ASZ1: variants seen among roughly 807,000 people sequenced by gnomAD.
The protein encoded by ASZ1 is ankyrin repeat, SAM and basic leucine zipper domain containing 1, also known as ankyrin repeat, SAM and basic leucine zipper domain-containing protein 1.
ASZ1 carries 67 observed loss-of-function variants against 61.8 expected under a neutral mutation model. The observed-to-expected ratio is 1.08, with a 90% CI of 0.89 to 1.33. The LOEUF (loss-of-function observed/expected upper bound fraction) is 1.33, where lower values mean the gene tolerates loss of function less well. Among genes scored for constraint, ASZ1 ranks in the 40% most tolerant of loss-of-function variants. The probability of loss-of-function intolerance (pLI) is 0.00; values close to 1 mark genes in which losing one functional copy is unlikely to be tolerated. For synonymous variants in ASZ1, 193 were observed against 192.7 expected, an observed-to-expected ratio of 1.00 and a Z score of -0.01; for missense variants, 577 against 554.5, an observed-to-expected ratio of 1.04 and a Z score of -0.41.
intron 4 of ASZ1, among the ~76,000 whole-genome samples, chr7:117,390,102 A>G (rs887553874): frequency 6.6e-6 from 1 of 151,666 alleles, no homozygotes; most frequent in African/African-American, 2.4e-5. Flanking sequence ...TCCATGACCT[A>G]TATGTGGCAT....
At chr7:117,382,550 A>G (rs10278130) in intron 7 of ASZ1, among the ~76,000 whole-genome samples, 76,251 of 151,822 alleles carry the variant, frequency 0.5, 20,674 homozygotes, top group African/African-American at 0.71. Flanking sequence ...TTTAATTGCA[A>G]TAAGTAAAAT....
chr7:117,371,404 T>C (rs1376042057), intron 10 of ASZ1, among the ~76,000 whole-genome samples: 2 of 152,168 alleles, frequency 1.3e-5, no homozygotes, highest in Admixed American at 1.3e-4. Flanking sequence ...ACATAATACA[T>C]ATAATCAAGT....
intron 4 of ASZ1, among the ~76,000 whole-genome samples, chr7:117,409,159 T>C (rs1584738619): frequency 1.3e-5 from 2 of 152,086 alleles, no homozygotes; most frequent in Middle Eastern, 3.4e-3. Context: ...GGAATATGAT[T>C]GGGGAGGATA....
intron 10 of ASZ1, among the ~76,000 whole-genome samples, chr7:117,370,689 G>A (rs1014425757): frequency 6.6e-6 from 1 of 152,018 alleles, no homozygotes; most frequent in Admixed American, 6.6e-5. Flanking sequence ...AAATTAAGTA[G>A]ATCATTAATA....
At chr7:117,386,730 T>C (rs1307405230) in intron 4 of ASZ1, among the ~76,000 whole-genome samples, 1 of 152,188 alleles carries the variant, frequency 6.6e-6, no homozygotes, top group African/African-American at 2.4e-5. Flanking sequence ...AACCTACCAA[T>C]AGACTATTTC....
chr7:117,374,904 G>A (rs1198976592), intron 10 of ASZ1, among the ~76,000 whole-genome samples: 1 of 152,026 alleles, frequency 6.6e-6, no homozygotes, highest in Non-Finnish European at 1.5e-5. Flanking sequence ...AAGAAAGGAA[G>A]AGAGTTTCCT....
intron 9 of ASZ1, 21 bp downstream of exon 9, chr7:117,380,990 A>T: frequency 6.5e-7 from 1 of 1,548,916 alleles, no homozygotes. Context: ...TGTATCGGGA[A>T]TTTTTGAAAT....
intron 10 of ASZ1, among the ~76,000 whole-genome samples, chr7:117,373,841 T>C (rs1462926729): frequency 1.3e-5 from 2 of 152,140 alleles, no homozygotes; most frequent in Non-Finnish European, 2.9e-5. Context: ...AAATAAGTTA[T>C]ATAAAAACAT....
intron 10 of ASZ1, among the ~76,000 whole-genome samples, chr7:117,377,352 C>G (rs1449110039): frequency 2.0e-5 from 3 of 151,888 alleles, no homozygotes; most frequent in Non-Finnish European, 2.9e-5. Flanking sequence ...AAAGTGGAGA[C>G]TCTGTCTCTA....
At chr7:117,388,973 C>G (rs549590006) in intron 4 of ASZ1, among the ~76,000 whole-genome samples, 1 of 152,254 alleles carries the variant, frequency 6.6e-6, no homozygotes, top group East Asian at 1.9e-4. Context: ...AATTGTATTT[C>G]TTCATGCTAG....
chr7:117,405,226 G>A (rs74359521), intron 4 of ASZ1, among the ~76,000 whole-genome samples: 2,645 of 152,274 alleles, frequency 0.017, 37 homozygotes, highest in Non-Finnish European at 0.025. Context: ...TTGTCAGCCT[G>A]ACAGTTGAAG....
chr7:117,425,255 A>ATTTTTTTTTTTTTTTTTTTTTTTTTTTT (rs1004795019), intron 2 of ASZ1, among the ~76,000 whole-genome samples: 1 of 86,688 alleles, frequency 1.2e-5, no homozygotes. Context: ...CCTTTGAGTA[A>ATTTTTTTTTTTTTTTTTTTTTTTTTTTT]TTTCTTTTTT....
chr7:117,382,487 G>C lies in ASZ1; in HGVS notation c.813-343C>G, dbSNP rs372104921. The stretch of plus-strand genomic sequence containing the variant: ...GCGGGAGAACTGCTTGAGCACAGGT[G>C]TTTGAGGCAAAAAAACCCACAAAAA... On this transcript the variant is annotated intron_variant, in intron 7 of 12. Coordinates refer to ENST00000284629, the MANE Select transcript of ASZ1 (RefSeq NM_130768.3). 7.3e-5 allele frequency among the ~76,000 whole-genome samples: 11 copies of C among 151,498 alleles called. No individual in the cohort carries two copies. In the East Asian group the frequency reaches 2.1e-3, roughly 30 times the overall value.
rs143290554 is a variant in ASZ1 at position 117,403,032 on chromosome 7, C to T, written c.440+17131G>A. Among the ~76,000 whole-genome samples, 30 of 152,166 alleles carry T rather than the reference C, an allele frequency of 2.0e-4. 1 individual carries two copies. The highest frequency in any genetic ancestry group is 3.9e-4 in the Admixed American group (6 of 15,294). The stretch of plus-strand genomic sequence containing the variant: ...GGGTAGTCCATCGACTGACATTTGA[C>T]GTCTGTGGTCATTAGACCCTCACAG... On this transcript the variant is annotated intron_variant, in intron 4 of 12. Coordinates refer to ENST00000284629, the MANE Select transcript of ASZ1 (RefSeq NM_130768.3).
At chr7:117,382,964 G>T in intron 7 of ASZ1, 22 bp downstream of exon 7, 1 of 1,526,522 alleles carries the variant, frequency 6.6e-7, no homozygotes, top group South Asian at 1.3e-5. Context: ...GTATTCTGTT[G>T]AACTAAAACA....
At chr7:117,388,502 C>T (rs1478729698) in intron 4 of ASZ1, among the ~76,000 whole-genome samples, 3 of 151,964 alleles carry the variant, frequency 2.0e-5, no homozygotes, top group African/African-American at 4.8e-5. Flanking sequence ...ATATTTGAAA[C>T]ATCAATCAAT....
chr7:117,379,683 G>A lies in ASZ1; in HGVS notation c.1055+255C>T, dbSNP rs897697286. 4.6e-5 allele frequency among the ~76,000 whole-genome samples: 7 copies of A among 151,634 alleles called. No homozygotes were observed. In the South Asian group the frequency reaches 8.3e-4, roughly 18 times the overall value. On this transcript the variant is annotated intron_variant, in intron 10 of 12. Transcript: ENST00000284629. ...TTTGTAAGGTTCAATTTAGCAAGAT[G>A]CAATGAAAAAATAAAACAAAAATAT...
chr7:117,365,614 T>C (rs1381066296), intron 12 of ASZ1, among the ~76,000 whole-genome samples: 1 of 152,320 alleles, frequency 6.6e-6, no homozygotes, highest in South Asian at 2.1e-4. Context: ...GCAAGAAGTA[T>C]CTTTATACAT....
At chr7:117,415,365 A>C (rs987909627) in intron 4 of ASZ1, among the ~76,000 whole-genome samples, 5 of 152,228 alleles carry the variant, frequency 3.3e-5, no homozygotes, top group Non-Finnish European at 5.9e-5. Context: ...TATCCACGCT[A>C]TATATACTAC....
Sources: gnomAD v4.1 joint callset for allele counts (sites outside exome capture counted in the v4.1 genomes callset) on GRCh38, gnomAD v4.1.1 for gene constraint, MANE v1.5 for transcripts, NCBI Gene and HGNC (gene_info 2026-07-23, HGNC 2026-07-21) for gene names.